The following OR5AN1 variants were observed in gnomAD, a reference collection of about 807,000 sequenced individuals.
OR5AN1 encodes the protein olfactory receptor family 5 subfamily AN member 1, also known as olfactory receptor 5AN1.
For synonymous variants in OR5AN1, 167 were observed against 131.8 expected, an observed-to-expected ratio of 1.27 and a Z score of -1.83; for missense variants, 476 against 368.9, an observed-to-expected ratio of 1.29 and a Z score of -2.38.
chr11:59,365,095 C>T lies in OR5AN1; in HGVS notation c.637C>T (p.Leu213=), dbSNP rs568682576. 5 of 1,614,080 alleles carry T rather than the reference C, an allele frequency of 3.1e-6. No homozygotes were observed. In the Admixed American group the frequency reaches 6.7e-5, roughly 22 times the overall value. ...LTMFFGIASA[L]VIMISYGYIG... ...CATGTTCTTTGGGATAGCAAGTGCC[C>T]TAGTTATCATGATATCCTATGGCTA... The change falls in exon 2 of 2, where the codon CTA becomes TTA. Residue 213 remains leucine, a synonymous_variant. Transcript: ENST00000641998.
rs1857528927 is a variant in OR5AN1, at chr11:59,366,054, A to G, written c.*660A>G. 1 of 152,166 alleles carries G rather than the reference A, an allele frequency of 6.6e-6. No individual in the cohort carries two copies. The highest frequency in any genetic ancestry group is 1.5e-5 in the Non-Finnish European group (1 of 68,028). 9.4% of individuals were successfully genotyped at this position (152,166 alleles called of 1,614,324 possible). A position where few individuals can be genotyped will look rare whatever the true frequency, so the allele number is the denominator to read the frequency against. ...CTACACCAGCTGTAGCATAAGAAAG[A>G]AGGAGGTGATTTTAATCATGAAGTG... On this transcript the variant is annotated 3_prime_UTR_variant, in exon 2 of 2. Coordinates refer to ENST00000641998, the MANE Select transcript of OR5AN1 (RefSeq NM_001004729.2).
intron 1 of OR5AN1, among the ~76,000 whole-genome samples, chr11:59,362,617 A>G (rs1016907273): frequency 2.0e-5 from 3 of 152,094 alleles, no homozygotes; most frequent in Non-Finnish European, 4.4e-5. Context: ...ATCCTTTCTA[A>G]TTATTCATCT....
At chr11:59,361,533 G>C (rs75087099) in intron 1 of OR5AN1, among the ~76,000 whole-genome samples, 2,355 of 152,204 alleles carry the variant, frequency 0.015, 68 homozygotes, top group African/African-American at 0.054. Flanking sequence ...CACCTGCCTC[G>C]GCCTCCCATA....
At chr11:59,361,249 G>A (rs1020384575) in intron 1 of OR5AN1, among the ~76,000 whole-genome samples, 2 of 152,102 alleles carry the variant, frequency 1.3e-5, no homozygotes, top group African/African-American at 4.8e-5. Context: ...AGTGATGATG[G>A]GAATGATCAT....
At position 59,368,128 on chromosome 11, in the gene OR5AN1, G is replaced by C. The variant is rs1565054489; in HGVS notation, c.*2734G>C. ...GGCCACCAAAACTGCATACCTCCCT[G>C]GGACAAAGCTCTCAGAGGAAGGGAC... is the stretch of plus-strand genomic sequence containing the variant. On this transcript the variant is annotated 3_prime_UTR_variant, in exon 2 of 2. Transcript: ENST00000641998. 1.3e-5 allele frequency: 2 copies of C among 152,268 alleles called. No individual in the cohort carries two copies. The highest frequency in any genetic ancestry group is 4.8e-5 in the African/African-American group (2 of 41,440). The allele number at this position is 152,268 out of a possible 1,614,324, so 9.4% of individuals were successfully genotyped here.
chr11:59,366,561 C>G lies in OR5AN1; in HGVS notation c.*1167C>G, dbSNP rs1204309915. 1 of 152,130 alleles carries G rather than the reference C, an allele frequency of 6.6e-6. No homozygotes were observed. Among genetic ancestry groups the G allele is most frequent in the Non-Finnish European group, 1.5e-5 (1 of 68,010 alleles). 9.4% of individuals were successfully genotyped at this position (152,130 alleles called of 1,614,324 possible). The stretch of plus-strand genomic sequence containing the variant: ...ATTAAAAATTTTCTCCTTGTCCAAA[C>G]TGCCTGGCGTAAAATTCAGGCTCTG... On this transcript the variant is annotated 3_prime_UTR_variant, in exon 2 of 2. Coordinates refer to ENST00000641998, the MANE Select transcript of OR5AN1 (RefSeq NM_001004729.2).
In OR5AN1 at chr11:59,364,535, A is replaced by C. The variant is rs775869476; in HGVS notation, c.77A>C (p.Lys26Thr). The C allele has an allele frequency of 6.2e-7, 1 of 1,613,808 alleles. No homozygotes were observed. Among genetic ancestry groups the C allele is most frequent in the Non-Finnish European group, 8.5e-7 (1 of 1,179,822 alleles). Residue 26 changes from lysine to threonine, a missense_variant, in exon 2 of 2, where the codon AAA becomes ACA. Transcript: ENST00000641998. Reference sequence around the variant, plus strand: ...TTCTCAGATTTTCCCAGGATCATAAAAGTGCTCTTCACTATATTCCTGGTG... The same window carrying C: ...TTCTCAGATTTTCCCAGGATCATAACAGTGCTCTTCACTATATTCCTGGTG... Reference protein sequence around the residue: ...LGFSDFPRIIKVLFTIFLVIY... With the variant: ...LGFSDFPRIITVLFTIFLVIY...
At position 59,371,166 on chromosome 11, in the gene OR5AN1, A is replaced by G. The variant is rs942982557; in HGVS notation, c.*5772A>G. The G allele has an allele frequency of 6.6e-6, 1 of 152,144 alleles. No homozygotes were observed. Among genetic ancestry groups the G allele is most frequent in the African/African-American group, 2.4e-5 (1 of 41,430 alleles). The allele number at this position is 152,144 out of a possible 1,614,324, so 9.4% of individuals were successfully genotyped here. ...TCCACTAAAGATAGCCTTCCAGGTC[A>G]GCACATAAAGATAAACATTTTTAAT... On this transcript the variant is annotated 3_prime_UTR_variant, in exon 2 of 2. Transcript: ENST00000641998.
In OR5AN1 at chr11:59,365,192, A is replaced by G; in HGVS notation, c.734A>G (p.His245Arg). ...RSKAFNTCAS[H>R]LTAVSLFYTS... ...AAGGCATTCAACACCTGTGCTTCTC[A>G]TCTAACAGCTGTTTCCCTCTTCTAT... is the stretch of plus-strand genomic sequence containing the variant. The change falls in exon 2 of 2, where the codon CAT becomes CGT. Residue 245 changes from histidine (H) to arginine (R), a missense_variant. By Grantham distance (29) the His-to-Arg change is conservative. Transcript: ENST00000641998. 6.2e-7 allele frequency: 1 copy of G among 1,613,266 alleles called. No homozygotes were observed. Among genetic ancestry groups the G allele is most frequent in the South Asian group, 1.1e-5 (1 of 91,060 alleles).
chr11:59,359,760 A>T (rs1857443589), intron 1 of OR5AN1: 1 of 152,208 alleles, frequency 6.6e-6, no homozygotes, highest in Non-Finnish European at 1.5e-5. Context: ...GATATCAGAG[A>T]TACCCACTCC....
In OR5AN1 at chr11:59,364,152, A is replaced by G. The variant is rs561763275; in HGVS notation, c.-13-294A>G. On this transcript the variant is annotated intron_variant, in intron 1 of 1. Transcript: ENST00000641998. ...ACTATTATCTTAATTAGTGATCTTT[A>G]CCTTATACGTAATACTCTCAGCATT... 2.0e-5 allele frequency among the ~76,000 whole-genome samples: 3 copies of G among 152,324 alleles called. No homozygotes were observed. In the South Asian group the frequency reaches 6.2e-4, roughly 32 times the overall value.
rs939145962 is a variant in OR5AN1 at position 59,370,844 on chromosome 11, A to G, written c.*5450A>G. The G allele has an allele frequency of 2.0e-5, 3 of 152,238 alleles. No individual in the cohort carries two copies. The highest frequency in any genetic ancestry group is 7.2e-5 in the African/African-American group (3 of 41,468). 9.4% of individuals were successfully genotyped at this position (152,238 alleles called of 1,614,324 possible). A position where few individuals can be genotyped will look rare whatever the true frequency, so the allele number is the denominator to read the frequency against. ...AGAGACAAAACCAATAGGATACATC[A>G]GAGGAGTTCCTGAACTCCTTAAAAT... On this transcript the variant is annotated 3_prime_UTR_variant, in exon 2 of 2. Coordinates refer to ENST00000641998, the MANE Select transcript of OR5AN1 (RefSeq NM_001004729.2).
In OR5AN1 at chr11:59,364,863, C is replaced by A. The variant is rs776241563; in HGVS notation, c.405C>A (p.Ser135=). 1 of 1,613,896 alleles carries A rather than the reference C, an allele frequency of 6.2e-7. No individual in the cohort carries two copies. Among genetic ancestry groups the A allele is most frequent in the Non-Finnish European group, 8.5e-7 (1 of 1,179,848 alleles). Residue 135 remains serine (S), a synonymous_variant, in exon 2 of 2, where the codon TCC becomes TCA. Transcript: ENST00000641998. ...AAICNPLLYS[S]IMSPTLCVWM... Reference sequence around the variant, plus strand: ...TTTGTAACCCCCTGCTCTATTCATCCATCATGTCACCCACCCTCTGTGTTT... The same window carrying A: ...TTTGTAACCCCCTGCTCTATTCATCAATCATGTCACCCACCCTCTGTGTTT...
Position 59,365,297 on chromosome 11 carries a change from C to T in OR5AN1, c.839C>T (p.Thr280Ile). Residue 280 changes from threonine (T) to isoleucine (I), a missense_variant, in exon 2 of 2, where the codon ACT becomes ATT. By Grantham distance (89) the Thr-to-Ile change is moderately conservative. Transcript: ENST00000641998. The part of the protein sequence containing the change: ...SFDRFASVFY[T>I]VVIPMLNPLI... The stretch of plus-strand genomic sequence containing the variant: ...GACAGATTTGCATCTGTTTTCTACA[C>T]TGTGGTCATTCCCATGTTAAATCCC... 1 of 1,612,600 alleles carries T rather than the reference C, an allele frequency of 6.2e-7. No individual in the cohort carries two copies. The highest frequency in any genetic ancestry group is 8.5e-7 in the Non-Finnish European group (1 of 1,178,816).
chr11:59,360,913 T>C (rs180724792), intron 1 of OR5AN1, among the ~76,000 whole-genome samples: 21 of 152,372 alleles, frequency 1.4e-4, no homozygotes, highest in Middle Eastern at 3.4e-3. Context: ...AACCATTTAT[T>C]AATGTGTTAG....
At chr11:59,364,394 A>G (rs1307555742) in intron 1 of OR5AN1, 52 bp from the exon 2 acceptor site, 2 of 1,089,110 alleles carry the variant, frequency 1.8e-6, no homozygotes, top group Admixed American at 2.1e-5. Context: ...CGGTAATGTT[A>G]TCACTTCAAC....
rs559511838 is a variant in OR5AN1, at chr11:59,366,898, G to C, written c.*1504G>C. ...AGAAATTCAGAAACACAGCTAGTAA[G>C]TGAAGGGGTGGGAATCCAAACTAAC... On this transcript the variant is annotated 3_prime_UTR_variant, in exon 2 of 2. Coordinates refer to ENST00000641998, the MANE Select transcript of OR5AN1 (RefSeq NM_001004729.2). The C allele has an allele frequency of 2.6e-5, 4 of 152,166 alleles. No individual in the cohort carries two copies. Among genetic ancestry groups the C allele is most frequent in the Non-Finnish European group, 5.9e-5 (4 of 68,028 alleles). The allele number at this position is 152,166 out of a possible 1,614,324, so 9.4% of individuals were successfully genotyped here.
At chr11:59,362,723 C>A (rs1365714068) in intron 1 of OR5AN1, among the ~76,000 whole-genome samples, 3 of 152,204 alleles carry the variant, frequency 2.0e-5, no homozygotes, top group Non-Finnish European at 4.4e-5. Context: ...TGTACACTAT[C>A]TATGCATACC....
rs149446306 is a variant in OR5AN1 at position 59,365,122 on chromosome 11, A to G, written c.664A>G (p.Ile222Val). Reference sequence around the variant, plus strand: ...AGTTATCATGATATCCTATGGCTATATTGGCATCTCCATCATGAAGATCAC... The same window carrying G: ...AGTTATCATGATATCCTATGGCTATGTTGGCATCTCCATCATGAAGATCAC... ...ALVIMISYGYIGISIMKITSA... is the reference protein window; with the variant it reads ...ALVIMISYGYVGISIMKITSA... Residue 222 changes from isoleucine to valine, a missense_variant, in exon 2 of 2, where the codon ATT becomes GTT. Ile to Val is a conservative substitution (Grantham distance 29, BLOSUM62 3). Coordinates refer to ENST00000641998, the MANE Select transcript of OR5AN1 (RefSeq NM_001004729.2). 2.5e-6 allele frequency: 4 copies of G among 1,613,982 alleles called. No homozygotes were observed. The highest frequency in any genetic ancestry group is 2.7e-5 in the African/African-American group (2 of 74,916).
Sources: gnomAD v4.1 joint callset for allele counts (sites outside exome capture counted in the v4.1 genomes callset) on GRCh38, gnomAD v4.1.1 for gene constraint, MANE v1.5 for transcripts, NCBI Gene and HGNC (gene_info 2026-07-23, HGNC 2026-07-21) for gene names.